Variants in NRG4 observed in about 807,000 individuals in gnomAD.
The protein encoded by NRG4 is pro-neuregulin-4, membrane-bound isoform.
In NRG4, 10 loss-of-function variants were observed where a neutral mutation model predicts 15.0. That is an observed-to-expected ratio of 0.67 (90% CI 0.41 to 1.13). NRG4 has a LOEUF of 1.13. NRG4 is among the 50% of genes most tolerant of loss of function. The pLI is 0.00. For missense variants in NRG4, 139 were observed against 140.2 expected (o/e 0.99, Z 0.04); for synonymous variants, 41 against 50.1 (o/e 0.82, Z 0.77).
chr15:76,034,097 A>C (rs184034427), intron 5 of NRG4, among the ~76,000 whole-genome samples: 1 of 152,326 alleles, frequency 6.6e-6, no homozygotes, highest in Admixed American at 6.5e-5. Flanking sequence ...AATTACTGCA[A>C]ACAGCTTTAA....
chr15:75,993,800 A>AT (rs2034116569), intron 3 of NRG4, among the ~76,000 whole-genome samples: 1 of 152,114 alleles, frequency 6.6e-6, no homozygotes, highest in Non-Finnish European at 1.5e-5. Flanking sequence ...CCACTCAGAA[A>AT]TTTTTTATTT....
At chr15:75,935,808 G>A (rs2030283071), downstream of NRG4, 1 of 151,338 alleles carries the variant, frequency 6.6e-6, no homozygotes, top group Admixed American at 6.6e-5. Context: ...TTTTTTTTGA[G>A]ACGGAGTCCC....
Position 75,974,620 on chromosome 15 carries a change from G to A in NRG4, c.105-12646C>T, listed in dbSNP as rs141554846. ...CTGCCTTAATTTTGTTATCTACCCA[G>A]TAGTCATTCAGGATTAGATTGTTCA... On this transcript the variant is annotated intron_variant, in intron 3 of 5. Coordinates refer to ENST00000394907, the MANE Select transcript of NRG4 (RefSeq NM_138573.4). Among the ~76,000 whole-genome samples, 1,188 of 152,250 alleles carry A rather than the reference G, an allele frequency of 7.8e-3. 14 individuals are homozygous for A. Among genetic ancestry groups the A allele is most frequent in the African/African-American group, 0.027 (1,134 of 41,550 alleles).
At chr15:76,055,665 T>A (rs2036135239) in intron 2 of NRG4, among the ~76,000 whole-genome samples, 1 of 141,368 alleles carries the variant, frequency 7.1e-6, no homozygotes, top group South Asian at 2.1e-4. Context: ...ATTAAAAAAA[T>A]AATTAAAATG....
intron 5 of NRG4, among the ~76,000 whole-genome samples, chr15:75,948,035 T>C (rs2031639321): frequency 6.6e-6 from 1 of 152,168 alleles, no homozygotes; most frequent in Non-Finnish European, 1.5e-5. Context: ...GTTTTAGAAG[T>C]TCTTTATATA....
intron 3 of NRG4, among the ~76,000 whole-genome samples, chr15:76,006,868 T>C (rs1234309238): frequency 6.6e-6 from 1 of 152,186 alleles, no homozygotes; most frequent in Non-Finnish European, 1.5e-5. Flanking sequence ...AATTCCAGCA[T>C]TCTTAGTTCT....
chr15:76,007,002 A>G (rs752272352), intron 3 of NRG4, among the ~76,000 whole-genome samples: 1 of 152,188 alleles, frequency 6.6e-6, no homozygotes, highest in Non-Finnish European at 1.5e-5. Flanking sequence ...ATATAAAAGG[A>G]TAGGAAAACA....
intron 5 of NRG4, among the ~76,000 whole-genome samples, chr15:76,019,897 G>A (rs2035100393): frequency 6.6e-6 from 1 of 152,090 alleles, no homozygotes; most frequent in South Asian, 2.1e-4. Context: ...GCATTTTATT[G>A]CACTTTGCAG....
upstream of NRG4, among the ~76,000 whole-genome samples, chr15:76,015,647 G>T (rs377124733): frequency 5.3e-5 from 8 of 152,192 alleles, no homozygotes; most frequent in East Asian, 1.3e-3. Context: ...ATGGATTACG[G>T]GTATTGATTT....
At chr15:75,982,069 C>T (rs1473356792) in intron 3 of NRG4, among the ~76,000 whole-genome samples, 1 of 152,114 alleles carries the variant, frequency 6.6e-6, no homozygotes, top group Non-Finnish European at 1.5e-5. Flanking sequence ...ATAGAGAATT[C>T]TTCCAGACTT....
rs1695381 is a variant in NRG4, at chr15:75,941,786, A to C, written c.*1852T>G. On this transcript the variant is annotated 3_prime_UTR_variant, in exon 6 of 6. Coordinates refer to ENST00000394907, the MANE Select transcript of NRG4 (RefSeq NM_138573.4). ...AATGGGAATTTATTGTTTAAGGGGC[A>C]CAGAGATTAGTGTGGGATCATGAAA... is the stretch of plus-strand genomic sequence containing the variant. 7.2e-5 allele frequency: 11 copies of C among 152,146 alleles called. No homozygotes were observed. The highest frequency in any genetic ancestry group is 2.7e-4 in the African/African-American group (11 of 41,422). The allele number at this position is 152,146 out of a possible 1,614,324, so 9.4% of individuals were successfully genotyped here.
Position 76,053,630 on chromosome 15 carries a change from C to T in NRG4, c.-261-647G>A, listed in dbSNP as rs182747186. ...GGAGCACAGTGGCACAATCTTGGCT[C>T]ACTGCAACCTCCGCCTCCTGGTTCA... is the stretch of plus-strand genomic sequence containing the variant. On this transcript the variant is annotated intron_variant, in intron 2 of 8. Transcript: ENST00000563910. Among the ~76,000 whole-genome samples the T allele has an allele frequency of 7.3e-4, 110 of 150,786 alleles. 7 individuals carry two copies. The highest frequency in any genetic ancestry group is 2.6e-3 in the African/African-American group (106 of 40,406).
At chr15:76,046,963 A>T (rs887311090) in intron 4 of NRG4, among the ~76,000 whole-genome samples, 3 of 151,028 alleles carry the variant, frequency 2.0e-5, no homozygotes, top group Non-Finnish European at 4.4e-5. Flanking sequence ...AATAGCAAAA[A>T]AATATATACA....
Position 75,943,448 on chromosome 15 carries a change from C to G in NRG4, c.*190G>C. ...GGTATCACCCCCTACTTAGCAGTTG[C>G]CGATGGACTGATGCACATTACAGAA... On this transcript the variant is annotated 3_prime_UTR_variant, in exon 6 of 6. Transcript: ENST00000394907. The G allele has an allele frequency of 1.8e-6, 1 of 569,586 alleles. No homozygotes were observed. Among genetic ancestry groups the G allele is most frequent in the Non-Finnish European group, 3.1e-6 (1 of 322,386 alleles). 35.3% of individuals were successfully genotyped at this position (569,586 alleles called of 1,614,324 possible). A position where few individuals can be genotyped will look rare whatever the true frequency, so the allele number is the denominator to read the frequency against.
chr15:76,053,848 A>C (rs1242178646), intron 2 of NRG4, among the ~76,000 whole-genome samples: 7 of 151,056 alleles, frequency 4.6e-5, no homozygotes, highest in Non-Finnish European at 1.0e-4. Context: ...GCTAGGTTTT[A>C]AAATAGCTTA....
chr15:76,046,007 A>G (rs891178491), intron 4 of NRG4, among the ~76,000 whole-genome samples: 2 of 151,246 alleles, frequency 1.3e-5, no homozygotes, highest in African/African-American at 4.9e-5. Flanking sequence ...GTGATTATGC[A>G]TTGCATGCAT....
At chr15:76,042,746 C>A (rs2035774084) in intron 4 of NRG4, among the ~76,000 whole-genome samples, 2 of 151,980 alleles carry the variant, frequency 1.3e-5, no homozygotes, top group Admixed American at 6.6e-5. Context: ...GAACTAATAC[C>A]AATACTACTC....
chr15:76,044,503 A>T (rs2035822278), intron 4 of NRG4, among the ~76,000 whole-genome samples: 1 of 150,554 alleles, frequency 6.6e-6, no homozygotes, highest in Non-Finnish European at 1.5e-5. Context: ...CTACTAAAAA[A>T]AATTGGGGAA....
chr15:75,943,604 T>C lies in NRG4; in HGVS notation c.*34A>G, dbSNP rs1370545926. On this transcript the variant is annotated 3_prime_UTR_variant, in exon 6 of 6. Transcript: ENST00000394907. ...TGTTTCATTTTCTGCCTTTGTAAAA[T>C]AAAAACAATGATTTGGTTCACTTTG... 1.4e-6 allele frequency: 2 copies of C among 1,434,268 alleles called. No individual in the cohort carries two copies. The highest frequency in any genetic ancestry group is 1.4e-5 in the African/African-American group (1 of 70,988). 88.8% of individuals were successfully genotyped at this position (1,434,268 alleles called of 1,614,324 possible). A position where few individuals can be genotyped will look rare whatever the true frequency, so the allele number is the denominator to read the frequency against.
Sources: gnomAD v4.1 joint callset for allele counts (sites outside exome capture counted in the v4.1 genomes callset) on GRCh38, gnomAD v4.1.1 for gene constraint, MANE v1.5 for transcripts, NCBI Gene and HGNC (gene_info 2026-07-23, HGNC 2026-07-21) for gene names.